The following IRAG1 variants were observed in gnomAD, a reference collection of about 807,000 sequenced individuals.
IRAG1 encodes the protein inositol 1,4,5-triphosphate receptor associated 1, also known as IP3R-associated cGMP kinase substrate.
Under a neutral mutation model 106.2 loss-of-function variants are expected in IRAG1, and 62 were observed. That is an observed-to-expected ratio of 0.58 (90% CI 0.48 to 0.72). IRAG1 has a LOEUF of 0.72. IRAG1 is among the 30% of genes least tolerant of loss of function. IRAG1 has a pLI of 0.00. For synonymous variants in IRAG1, 462 were observed against 443.9 expected, an observed-to-expected ratio of 1.04 and a Z score of -0.51; for missense variants, 1,064 against 1,140.7, an observed-to-expected ratio of 0.93 and a Z score of 0.97.
At chr11:10,661,070 G>A (rs979210569) in intron 1 of IRAG1, among the ~76,000 whole-genome samples, 1 of 147,492 alleles carries the variant, frequency 6.8e-6, no homozygotes, top group Non-Finnish European at 1.5e-5. Flanking sequence ...AACTCCTTGA[G>A]GATTGATTCC....
Position 10,693,638 on chromosome 11 carries a change from A to G in IRAG1, c.-36T>C, listed in dbSNP as rs1217531934. 2.0e-6 allele frequency: 3 copies of G among 1,533,714 alleles called. No individual in the cohort carries two copies. Among genetic ancestry groups the G allele is most frequent in the Admixed American group, 2.0e-5 (1 of 50,976 alleles). Reference sequence around the variant, plus strand: ...TGTTACATCTGGCTCCGGAGCTCAGAGCCGAGAAGCCTCTGGCTGCAGAAC... The same window carrying G: ...TGTTACATCTGGCTCCGGAGCTCAGGGCCGAGAAGCCTCTGGCTGCAGAAC... On this transcript the variant is annotated 5_prime_UTR_variant, in exon 1 of 21. Coordinates refer to ENST00000423302, the MANE Select transcript of IRAG1 (RefSeq NM_130385.4).
At chr11:10,610,705 A>G (rs964426) in intron 10 of IRAG1, among the ~76,000 whole-genome samples, 67,042 of 152,012 alleles carry the variant, frequency 0.44, 15,085 homozygotes, top group East Asian at 0.69. Flanking sequence ...TAGCACAGGA[A>G]GACTTTGGTA....
rs750608065 is a variant in IRAG1, at chr11:10,609,884, CTT to C, written c.1448-35_1448-34del. 4.3e-6 allele frequency: 7 copies of C among 1,610,400 alleles called. No homozygotes were observed. In the African/African-American group the frequency reaches 6.7e-5, roughly 15 times the overall value. On this transcript the variant is annotated intron_variant, in intron 10 of 20. Transcript: ENST00000423302. ...AAAAGTGCTTACTTATAAAATGTCT[CTT>C]TGAAATCACAGTAGTACTGTTGGCA...
chr11:10,600,862 A>G, intron 15 of IRAG1, 56 bp downstream of exon 15: 1 of 1,606,982 alleles, frequency 6.2e-7, no homozygotes, highest in Non-Finnish European at 8.5e-7. Context: ...CCTAGCCAAG[A>G]GCTCTTGGAA....
intron 2 of IRAG1, among the ~76,000 whole-genome samples, chr11:10,635,687 T>C (rs1024747131): frequency 6.6e-6 from 1 of 152,194 alleles, no homozygotes; most frequent in Non-Finnish European, 1.5e-5. Flanking sequence ...ACTTCTTACG[T>C]CCCACAATTT....
At chr11:10,582,101 A>G (rs2288236) in intron 18 of IRAG1, 115 bp from the exon 19 acceptor site, 511,399 of 1,273,266 alleles carry the variant, frequency 0.4, 108,880 homozygotes, top group East Asian at 0.69. Flanking sequence ...AGGCTTTTTC[A>G]GTAACTTTCA....
intron 1 of IRAG1, among the ~76,000 whole-genome samples, chr11:10,655,941 C>G (rs1004277725): frequency 6.6e-6 from 1 of 152,172 alleles, no homozygotes; most frequent in Non-Finnish European, 1.5e-5. Flanking sequence ...AGGGGAGCCC[C>G]AGCAGCCCTG....
intron 1 of IRAG1, chr11:10,687,461 G>T: frequency 4.2e-6 from 1 of 237,016 alleles, no homozygotes; most frequent in Non-Finnish European, 8.1e-6. Flanking sequence ...GCACCCCCTA[G>T]GGCTGGGGGA....
chr11:10,574,035 A>T lies in IRAG1; in HGVS notation c.*2297T>A, dbSNP rs1850706689. 6.6e-6 allele frequency: 1 copy of T among 152,352 alleles called. No individual in the cohort carries two copies. The highest frequency in any genetic ancestry group is 1.5e-5 in the Non-Finnish European group (1 of 68,176). The allele number at this position is 152,352 out of a possible 1,614,324, so 9.4% of individuals were successfully genotyped here. On this transcript the variant is annotated 3_prime_UTR_variant, in exon 21 of 21. Coordinates refer to ENST00000423302, the MANE Select transcript of IRAG1 (RefSeq NM_130385.4). ...CTTGATCAACCCTGGCTTGGGCCTCAGTCATTTTCTAGCTACTGTAAAGGA... is the reference window on the plus strand; with the variant it reads ...CTTGATCAACCCTGGCTTGGGCCTCTGTCATTTTCTAGCTACTGTAAAGGA...
intron 4 of IRAG1, among the ~76,000 whole-genome samples, chr11:10,630,367 CTTTT>C (rs55806146): frequency 1.4e-5 from 2 of 143,164 alleles, no homozygotes; most frequent in Non-Finnish European, 3.1e-5. Flanking sequence ...CTCATTAGCT[CTTTT>C]TTTTTTTTTT....
chr11:10,618,614 A>G (rs1855604814), intron 10 of IRAG1, among the ~76,000 whole-genome samples: 1 of 152,230 alleles, frequency 6.6e-6, no homozygotes, highest in Admixed American at 6.5e-5. Context: ...ACCCTTCCCA[A>G]GAAAAGTGAC....
chr11:10,597,923 T>C (rs941019771), intron 15 of IRAG1, among the ~76,000 whole-genome samples: 5 of 152,242 alleles, frequency 3.3e-5, no homozygotes, highest in African/African-American at 1.2e-4. Context: ...CATCTTGCTG[T>C]TCTTTTCAAA....
At chr11:10,601,496 T>C (rs1230879715) in intron 14 of IRAG1, among the ~76,000 whole-genome samples, 2 of 152,024 alleles carry the variant, frequency 1.3e-5, no homozygotes, top group African/African-American at 4.8e-5. Context: ...TGAATAAGAG[T>C]CCTCTGGAGA....
Position 10,633,143 on chromosome 11 carries a change from G to C in IRAG1, c.329+825C>G, listed in dbSNP as rs56111435. On this transcript the variant is annotated intron_variant, in intron 3 of 20. Transcript: ENST00000423302. ...AGGCTGGAGTGCAGTGGCGCGATCTGGGCTCACTGCAAGCTCCGCCTCCCG... is the reference window on the plus strand; with the variant it reads ...AGGCTGGAGTGCAGTGGCGCGATCTCGGCTCACTGCAAGCTCCGCCTCCCG... 5.5e-3 allele frequency among the ~76,000 whole-genome samples: 813 copies of C among 147,290 alleles called. 7 individuals are homozygous for C. The highest frequency in any genetic ancestry group is 6.5e-3 in the Non-Finnish European group (433 of 67,082).
Position 10,626,484 on chromosome 11 carries a change from CT to C in IRAG1, c.849del (p.Glu284ArgfsTer4). 6.2e-7 allele frequency: 1 copy of C among 1,613,704 alleles called. No homozygotes were observed. The highest frequency in any genetic ancestry group is 8.5e-7 in the Non-Finnish European group (1 of 1,179,756). On this transcript the variant is annotated frameshift_variant, in exon 9 of 21. Coordinates refer to ENST00000423302, the MANE Select transcript of IRAG1 (RefSeq NM_130385.4). LOFTEE classifies it high-confidence loss of function. ...APRPPPVEKSKEIAIEQKENF... is the reference protein window; with the variant it reads ...APRPPPVEKSXEIAIEQKENF... ...TTTTCCTTTTGTTCTATTGCAATCT[CT>C]TTGGACTTCTCAACTGGAGGAGGAC...
intron 11 of IRAG1, among the ~76,000 whole-genome samples, chr11:10,609,441 T>G (rs558310204): frequency 4.0e-4 from 61 of 152,336 alleles, no homozygotes; most frequent in Admixed American, 3.5e-3. Context: ...TTGAAACCCA[T>G]GTCTCCTGGC....
At chr11:10,691,242 A>G (rs984013533) in intron 1 of IRAG1, among the ~76,000 whole-genome samples, 10 of 152,202 alleles carry the variant, frequency 6.6e-5, no homozygotes, top group Non-Finnish European at 1.5e-4. Context: ...TCACAGAAAC[A>G]TGATTGAACC....
chr11:10,689,668 C>T (rs1052763760), intron 1 of IRAG1, among the ~76,000 whole-genome samples: 1 of 152,152 alleles, frequency 6.6e-6, no homozygotes, highest in Non-Finnish European at 1.5e-5. Flanking sequence ...GCTAAAATGA[C>T]TCTATGTTAT....
rs747336487 is a variant in IRAG1 at position 10,626,378 on chromosome 11, T to C, written c.956A>G (p.Asn319Ser). ...VTNSSGKMALNSPQPGPVESE... is the reference protein window; with the variant it reads ...VTNSSGKMALSSPQPGPVESE... ...CTCCACGGGGCCAGGCTGAGGGCTG[T>C]TCAGGGCCATTTTCCCACTGCTGTT... Residue 319 changes from asparagine (N) to serine (S), a missense_variant, in exon 9 of 21, where the codon AAC (asparagine) becomes AGC (serine). Transcript: ENST00000423302. 7.4e-6 allele frequency: 12 copies of C among 1,613,722 alleles called. No individual in the cohort carries two copies. Among genetic ancestry groups the C allele is most frequent in the South Asian group, 3.3e-5 (3 of 91,030 alleles).
Sources: allele counts gnomAD v4.1 joint callset (sites outside exome capture counted in the v4.1 genomes callset), GRCh38; gene constraint gnomAD v4.1.1; transcripts MANE v1.5; gene names NCBI Gene and HGNC (gene_info 2026-07-23, HGNC 2026-07-21).